The following NEK9 variants were observed in gnomAD, a reference collection of about 807,000 sequenced individuals.
NEK9 encodes the protein serine/threonine-protein kinase Nek9.
A neutral mutation model predicts 123.4 loss-of-function variants in NEK9; 75 were observed. The ratio of observed to expected loss-of-function variants is 0.61; its 90% confidence interval spans 0.50 to 0.74. NEK9 has a LOEUF of 0.74. Among genes scored for constraint, NEK9 ranks in the 30% least tolerant of loss-of-function variants. The probability of loss-of-function intolerance (pLI) is 0.00; values close to 1 mark genes in which losing one functional copy is unlikely to be tolerated. For synonymous variants in NEK9, 438 were observed against 458.7 expected (o/e 0.95, Z 0.58); for missense variants, 952 against 1,214.4 (o/e 0.78, Z 3.21).
intron 19 of NEK9, among the ~76,000 whole-genome samples, chr14:75,090,287 T>C (rs1894172655): frequency 6.6e-6 from 1 of 151,952 alleles, no homozygotes; most frequent in Non-Finnish European, 1.5e-5. Flanking sequence ...CTTTTTTTTT[T>C]TTTTTTTGGT....
At position 75,109,768 on chromosome 14, in the gene NEK9, T is replaced by G. The variant is rs1894898791; in HGVS notation, c.1099A>C (p.Ser367Arg). 1 of 1,613,992 alleles carries G rather than the reference T, an allele frequency of 6.2e-7. No homozygotes were observed. Among genetic ancestry groups the G allele is most frequent in the African/African-American group, 1.3e-5 (1 of 74,900 alleles). Residue 367 changes from serine (S) to arginine (R), a missense_variant, in exon 10 of 22, where the codon AGT (serine) becomes CGT (arginine). This residue lies in a region of NEK9 where 698 missense variants were observed against 875.6 expected (regional missense o/e 0.80). Transcript: ENST00000238616. The part of the protein sequence containing the change: ...STPQKLDVIK[S>R]GCSARQVCAG... ...CAGACCTGCCGGGCACTACAGCCAC[T>G]CTTGATAACATCCAGTTTCTGGGGG...
rs776961538 is a variant in NEK9, at chr14:75,097,178, A to G, written c.2095T>C (p.Trp699Arg). 1.9e-6 allele frequency: 3 copies of G among 1,613,902 alleles called. No individual in the cohort carries two copies. Among genetic ancestry groups the G allele is most frequent in the Non-Finnish European group, 1.7e-6 (2 of 1,179,922 alleles). Residue 699 changes from tryptophan (W) to arginine (R), a missense_variant, in exon 17 of 22, where the codon TGG (tryptophan) becomes CGG (arginine). Trp to Arg is a moderately radical substitution (Grantham distance 101). This residue lies in a region of NEK9 where 698 missense variants were observed against 875.6 expected (regional missense o/e 0.80). Transcript: ENST00000238616. ...RPHGSDICTS[W>R]PRPIFGSLHH... ...AGAGATCCAAAAATAGGCCGAGGCC[A>G]TGAGGTACAGATATCAGAGCCATGT...
chr14:75,097,879 A>G (rs1894440181), intron 16 of NEK9, among the ~76,000 whole-genome samples: 1 of 152,164 alleles, frequency 6.6e-6, no homozygotes, highest in African/African-American at 2.4e-5. Context: ...AACAAGGAAC[A>G]AGGAGACCCC....
In NEK9 at chr14:75,101,118, A is replaced by C; in HGVS notation, c.1876T>G (p.Cys626Gly). The C allele has an allele frequency of 6.2e-7, 1 of 1,614,232 alleles. No individual in the cohort carries two copies. The highest frequency in any genetic ancestry group is 8.5e-7 in the Non-Finnish European group (1 of 1,180,038). ...GRLLTFGCNK[C>G]GQLGVGNYKK... ...TAGTTCCCAACGCCCAGCTGCCCAC[A>C]CTTGTTGCAGCCAAAGGTCAGCAGC... The change falls in exon 16 of 22, where the codon TGT (cysteine) becomes GGT (glycine). Residue 626 changes from cysteine (C) to glycine (G), a missense_variant. Coordinates refer to ENST00000238616, the MANE Select transcript of NEK9 (RefSeq NM_033116.6).
rs1322520199 is a variant in NEK9 at position 75,107,357 on chromosome 14, G to A, written c.1313C>T (p.Thr438Ile). The change falls in exon 11 of 22, where the codon ACT becomes ATT. Residue 438 changes from threonine (T) to isoleucine (I), a missense_variant. Physicochemically the swap from Thr to Ile is moderately conservative, Grantham distance 89. Around this residue, in one of 4 missense-constraint regions of NEK9, gnomAD observed 698 missense variants for 875.6 expected, o/e 0.80. Coordinates refer to ENST00000238616, the MANE Select transcript of NEK9 (RefSeq NM_033116.6). ...IRQVSCGDDFTVCVTDEGQLY... is the reference protein window; with the variant it reads ...IRQVSCGDDFIVCVTDEGQLY... The stretch of plus-strand genomic sequence containing the variant: ...TGATGGCTTACCAGTCACACAGACA[G>A]TGAAATCATCACCACATGACACCTG... 6.2e-7 allele frequency: 1 copy of A among 1,613,412 alleles called. No homozygotes were observed. Among genetic ancestry groups the A allele is most frequent in the South Asian group, 1.1e-5 (1 of 90,984 alleles).
At chr14:75,126,535 C>A (rs1594857724) in intron 1 of NEK9, among the ~76,000 whole-genome samples, 168 bp downstream of exon 1, 1 of 152,212 alleles carries the variant, frequency 6.6e-6, no homozygotes, top group Non-Finnish European at 1.5e-5. Flanking sequence ...AATGATCTAG[C>A]CAATTTCTAG....
chr14:75,108,508 C>CGTATGCGTGTGT (rs1202346303), intron 10 of NEK9, among the ~76,000 whole-genome samples: 10 of 82,302 alleles, frequency 1.2e-4, no homozygotes, highest in African/African-American at 4.8e-4. Flanking sequence ...TATGTGTGTG[C>CGTATGCGTGTGT]GTGTGCGTGT....
intron 3 of NEK9, 173 bp downstream of exon 3, chr14:75,120,946 G>C (rs2139805856): frequency 1.4e-6 from 1 of 701,820 alleles, no homozygotes; most frequent in East Asian, 2.7e-5. Flanking sequence ...TTAGGAAGCA[G>C]CTATAGACAG....
chr14:75,117,880 T>C (rs1476946398), intron 5 of NEK9, among the ~76,000 whole-genome samples: 1 of 152,256 alleles, frequency 6.6e-6, no homozygotes, highest in African/African-American at 2.4e-5. Context: ...TAAGAAGTCA[T>C]GCCTCTCCCA....
intron 14 of NEK9, 100 bp from the exon 15 acceptor site, chr14:75,101,865 C>A: frequency 1.3e-6 from 1 of 768,822 alleles, no homozygotes. Flanking sequence ...AAAGGCCTTT[C>A]AAGTAAGTTA....
At chr14:75,126,675 C>A (rs760339147) in intron 1 of NEK9, 28 bp downstream of exon 1, 9 of 1,387,758 alleles carry the variant, frequency 6.5e-6, no homozygotes, top group Non-Finnish European at 3.7e-6. Context: ...CAGCGCCAGA[C>A]AGGGCGGCCG....
intron 21 of NEK9, 109 bp downstream of exon 21, chr14:75,086,909 A>G (rs1894043108): frequency 2.5e-6 from 3 of 1,200,858 alleles, no homozygotes; most frequent in African/African-American, 3.0e-5. Context: ...CGTCTCAAAA[A>G]AAAAGTAAGG....
At chr14:75,123,918 C>A in intron 2 of NEK9, 128 bp downstream of exon 2, 1 of 802,198 alleles carries the variant, frequency 1.2e-6, no homozygotes, top group South Asian at 3.2e-5. Flanking sequence ...TGAAAAGTTT[C>A]TCTTAAACTC....
intron 19 of NEK9, among the ~76,000 whole-genome samples, chr14:75,089,794 GT>G (rs1894152621): frequency 6.6e-6 from 1 of 152,102 alleles, no homozygotes; most frequent in Non-Finnish European, 1.5e-5. Context: ...CACCTCCTGG[GT>G]TCAAGCGATT....
chr14:75,115,054 TAC>T (rs200586316), intron 6 of NEK9, among the ~76,000 whole-genome samples: 4,045 of 111,704 alleles, frequency 0.036, 182 homozygotes, highest in African/African-American at 0.1. Flanking sequence ...TGTGTACATG[TAC>T]ACACACGTGT....
At chr14:75,111,982 C>T (rs1326330085) in intron 8 of NEK9, among the ~76,000 whole-genome samples, 1 of 152,058 alleles carries the variant, frequency 6.6e-6, no homozygotes, top group East Asian at 1.9e-4. Flanking sequence ...TTCACCAGAC[C>T]AAAAGGGTGA....
intron 12 of NEK9, chr14:75,106,248 A>G: frequency 1.7e-6 from 1 of 583,874 alleles, no homozygotes; most frequent in Non-Finnish European, 3.0e-6. Flanking sequence ...AATCCCAGCT[A>G]CTCGGGAGGC....
Position 75,118,840 on chromosome 14 carries a change from A to G in NEK9, c.620T>C (p.Met207Thr). 6.3e-7 allele frequency: 1 copy of G among 1,590,806 alleles called. No individual in the cohort carries two copies. Among genetic ancestry groups the G allele is most frequent in the Non-Finnish European group, 8.6e-7 (1 of 1,158,846 alleles). Residue 207 changes from methionine to threonine, a missense_variant, in exon 5 of 22, where the codon ATG becomes ACG. Physicochemically the swap from Met to Thr is moderately conservative, Grantham distance 81 (BLOSUM62 -1). This residue lies in a region of NEK9 where 28 missense variants were observed against 88.3 expected (regional missense o/e 0.32). Transcript: ENST00000238616. ...LAKKLNSEYS[M>T]AETLVGTPYY... ...AAGGGCAACACATACCGTCTCAGCC[A>G]TGGAATACTCAGAATTAAGTTTCTT...
intron 14 of NEK9, among the ~76,000 whole-genome samples, chr14:75,102,799 T>A (rs768411611): frequency 6.6e-6 from 1 of 152,222 alleles, no homozygotes; most frequent in Non-Finnish European, 1.5e-5. Flanking sequence ...TGTCTCTTAA[T>A]TTTATTCTTT....
Sources: allele counts gnomAD v4.1 joint callset (sites outside exome capture counted in the v4.1 genomes callset), GRCh38; gene constraint gnomAD v4.1.1; regional missense constraint gnomAD v4.1.1; transcripts MANE v1.5; gene names NCBI Gene and HGNC (gene_info 2026-07-23, HGNC 2026-07-21).